The following CECR2 variants were observed in gnomAD, a reference collection of about 807,000 sequenced individuals.
The protein encoded by CECR2 is CECR2 histone acetyl-lysine reader.
Under a neutral mutation model 154.5 loss-of-function variants are expected in CECR2, and 30 were observed. That is an observed-to-expected ratio of 0.19 (90% CI 0.15 to 0.26). The LOEUF (loss-of-function observed/expected upper bound fraction) is 0.26, where lower values mean the gene tolerates loss of function less well. Among genes scored for constraint, CECR2 ranks in the 10% least tolerant of loss-of-function variants. CECR2 has a pLI of 1.00. For synonymous variants in CECR2, 725 were observed against 683.7 expected (o/e 1.06, Z -0.94); for missense variants, 1,743 against 1,829.3 (o/e 0.95, Z 0.86).
intron 1 of CECR2, among the ~76,000 whole-genome samples, chr22:17,447,257 A>G (rs543490977): frequency 7.0e-4 from 106 of 151,634 alleles, no homozygotes; most frequent in Admixed American, 1.4e-3. Context: ...GGTTCTCGCC[A>G]TTCTCCTGCC....
chr22:17,481,844 T>C (rs979832995), intron 2 of CECR2, among the ~76,000 whole-genome samples: 2 of 152,050 alleles, frequency 1.3e-5, no homozygotes, highest in African/African-American at 4.8e-5. Flanking sequence ...AGGCCAGGCG[T>C]GGTGGCTCAC....
intron 2 of CECR2, among the ~76,000 whole-genome samples, chr22:17,487,271 G>C (rs1235601612): frequency 6.6e-6 from 1 of 152,122 alleles, no homozygotes; most frequent in Non-Finnish European, 1.5e-5. Context: ...CAGCACTTTT[G>C]TTTTCCACTG....
chr22:17,518,720 A>G lies in CECR2; in HGVS notation c.955-5398A>G, dbSNP rs2056104261. The stretch of plus-strand genomic sequence containing the variant: ...ATTCAAGCACCTCAGCAGTTGGCAC[A>G]GCAGGATCCTGCTCCCTTCTTAACA... On this transcript the variant is annotated intron_variant, in intron 8 of 18. Coordinates refer to ENST00000262608, the MANE Select transcript of CECR2 (RefSeq NM_001290047.2). 58 of 420,552 alleles carry G rather than the reference A, an allele frequency of 1.4e-4. 1 individual carries two copies. Among genetic ancestry groups the G allele is most frequent in the South Asian group, 1.1e-3 (56 of 50,840 alleles). The allele number at this position is 420,552 out of a possible 1,614,324, so 26.1% of individuals were successfully genotyped here. A position where few individuals can be genotyped will look rare whatever the true frequency, so the allele number is the denominator to read the frequency against.
At chr22:17,395,156 T>C (rs2053788992) in intron 1 of CECR2, among the ~76,000 whole-genome samples, 1 of 152,152 alleles carries the variant, frequency 6.6e-6, no homozygotes, top group Non-Finnish European at 1.5e-5. Context: ...TTTTTGTCAC[T>C]GTAGATTAGT....
intron 2 of CECR2, among the ~76,000 whole-genome samples, chr22:17,487,310 G>A (rs2055438666): frequency 6.6e-6 from 1 of 152,178 alleles, no homozygotes; most frequent in South Asian, 2.1e-4. Context: ...TGAGCACTGG[G>A]TGGAAAATAG....
At chr22:17,383,990 C>A (rs184276601) in intron 1 of CECR2, among the ~76,000 whole-genome samples, 226 of 152,124 alleles carry the variant, frequency 1.5e-3, no homozygotes, top group African/African-American at 5.2e-3. Context: ...ACTTCTAATT[C>A]TATTTCTTTT....
intron 1 of CECR2, among the ~76,000 whole-genome samples, chr22:17,406,284 GCCAAGGCGGGAGGACC>G (rs1263816974): frequency 6.6e-6 from 1 of 152,202 alleles, no homozygotes; most frequent in Non-Finnish European, 1.5e-5. Flanking sequence ...ACTTTGGGAG[GCCAAGGCGGGAGGACC>G]ACCTGAAGTC....
At chr22:17,514,295 G>A (rs570781610) in intron 8 of CECR2, among the ~76,000 whole-genome samples, 10 of 152,282 alleles carry the variant, frequency 6.6e-5, no homozygotes, top group East Asian at 1.9e-4. Flanking sequence ...TGCTGCTAAC[G>A]GGAGCAAGGG....
intron 9 of CECR2, among the ~76,000 whole-genome samples, chr22:17,531,159 G>A (rs1045169039): frequency 6.6e-6 from 1 of 152,120 alleles, no homozygotes; most frequent in Non-Finnish European, 1.5e-5. Context: ...ACTTCAGCAG[G>A]GAAAACATCA....
intron 16 of CECR2, among the ~76,000 whole-genome samples, chr22:17,543,336 G>A (rs771969788): frequency 3.3e-5 from 5 of 151,678 alleles, no homozygotes; most frequent in African/African-American, 7.3e-5. Flanking sequence ...GGGTTTCACC[G>A]TGTTAGCCAG....
rs1569150528 is a variant in CECR2, at chr22:17,538,483, CAG to C, written c.1239-34_1239-33del. The stretch of plus-strand genomic sequence containing the variant: ...GAGAGAGCTCAGGAGAGAAGGTGGT[CAG>C]AGTTACTATTAATTTCTTATTTTGT... On this transcript the variant is annotated intron_variant, in intron 10 of 18. Transcript: ENST00000262608. 5 of 1,596,714 alleles carry C rather than the reference CAG, an allele frequency of 3.1e-6. No homozygotes were observed. In the African/African-American group the frequency reaches 4.0e-5, roughly 13 times the overall value.
intron 1 of CECR2, chr22:17,419,611 A>G: frequency 6.2e-6 from 2 of 325,110 alleles, no homozygotes; most frequent in East Asian, 6.6e-5. Flanking sequence ...TGGAGGTGGG[A>G]GCTGCCATTA....
chr22:17,503,047 T>G (rs763308298), intron 5 of CECR2, 35 bp from the exon 6 acceptor site: 28 of 1,602,312 alleles, frequency 1.7e-5, no homozygotes, highest in Non-Finnish European at 2.3e-5. Context: ...GACCTGTCTT[T>G]GTTTTAATTG....
At chr22:17,543,087 C>G in intron 16 of CECR2, 84 bp downstream of exon 16, 1 of 1,370,862 alleles carries the variant, frequency 7.3e-7, no homozygotes, top group South Asian at 1.5e-5. Flanking sequence ...CAAGTGTAAT[C>G]TGGTTCCCAG....
intron 2 of CECR2, among the ~76,000 whole-genome samples, chr22:17,483,630 A>G (rs1041907728): frequency 2.6e-5 from 4 of 152,364 alleles, no homozygotes; most frequent in African/African-American, 9.6e-5. Flanking sequence ...GTATAGCTCT[A>G]AAAAGTGTTT....
chr22:17,412,568 T>TC (rs1193818166), intron 1 of CECR2, among the ~76,000 whole-genome samples: 1 of 152,102 alleles, frequency 6.6e-6, no homozygotes, highest in African/African-American at 2.4e-5. Flanking sequence ...CCTCCTACCT[T>TC]CACCAGAGGT....
chr22:17,508,225 T>C (rs2055881171), intron 7 of CECR2, among the ~76,000 whole-genome samples: 1 of 152,222 alleles, frequency 6.6e-6, no homozygotes, highest in Non-Finnish European at 1.5e-5. Context: ...CATTTCTTTT[T>C]ATAAATTGAG....
At chr22:17,414,266 C>A (rs2054120672) in intron 1 of CECR2, among the ~76,000 whole-genome samples, 1 of 152,220 alleles carries the variant, frequency 6.6e-6, no homozygotes, top group South Asian at 2.1e-4. Context: ...GCCACTGCGC[C>A]CGGCGGAAGG....
At chr22:17,511,321 G>A (rs2146924578) in intron 7 of CECR2, among the ~76,000 whole-genome samples, 1 of 152,208 alleles carries the variant, frequency 6.6e-6, no homozygotes, top group African/African-American at 2.4e-5. Context: ...ACCGCATTCT[G>A]CTCGCTGAGC....
Sources: gnomAD v4.1 joint callset for allele counts (sites outside exome capture counted in the v4.1 genomes callset) on GRCh38, gnomAD v4.1.1 for gene constraint, MANE v1.5 for transcripts, NCBI Gene and HGNC (gene_info 2026-07-23, HGNC 2026-07-21) for gene names.